EYA1: variants seen among roughly 807,000 people sequenced by gnomAD.
EYA1 encodes the protein protein phosphatase EYA1.
In EYA1, 16 loss-of-function variants were observed where a neutral mutation model predicts 82.0. The ratio of observed to expected loss-of-function variants is 0.20; its 90% CI spans 0.13 to 0.30. EYA1 has a LOEUF of 0.30. EYA1 is among the 10% of genes least tolerant of loss of function. The pLI is 1.00. For missense variants in EYA1, 633 were observed against 730.7 expected (o/e 0.87, Z 1.54); for synonymous variants, 261 against 264.4 (o/e 0.99, Z 0.12).
intron 11 of EYA1, among the ~76,000 whole-genome samples, chr8:71,245,210 T>C (rs928733484): frequency 1.3e-5 from 2 of 152,046 alleles, no homozygotes; most frequent in Non-Finnish European, 2.9e-5. Flanking sequence ...ACTTTTCTTA[T>C]AACACTATGT....
intron 11 of EYA1, among the ~76,000 whole-genome samples, chr8:71,251,756 G>A (rs1361375400): frequency 2.0e-5 from 3 of 152,000 alleles, no homozygotes; most frequent in Non-Finnish European, 2.9e-5. Flanking sequence ...AGAACTGCTC[G>A]CAGAGACTAA....
At chr8:71,259,654 C>T (rs1029405577) in intron 11 of EYA1, among the ~76,000 whole-genome samples, 1 of 152,262 alleles carries the variant, frequency 6.6e-6, no homozygotes, top group Middle Eastern at 3.4e-3. Flanking sequence ...AAATGATCTT[C>T]TTGACCCGTT....
intron 11 of EYA1, among the ~76,000 whole-genome samples, chr8:71,247,876 A>C (rs1813297716): frequency 1.3e-5 from 2 of 152,294 alleles, no homozygotes; most frequent in African/African-American, 4.8e-5. Flanking sequence ...ATGTCAATGA[A>C]TCTTTTTATG....
intron 9 of EYA1, among the ~76,000 whole-genome samples, chr8:71,281,522 C>T (rs1258259362): frequency 1.3e-5 from 2 of 152,248 alleles, no homozygotes; most frequent in Non-Finnish European, 2.9e-5. Context: ...GCTGCTTGCA[C>T]TCAGTCTTAA....
chr8:71,380,176 A>G (rs1359163492), intron 2 of EYA1, among the ~76,000 whole-genome samples: 1 of 152,134 alleles, frequency 6.6e-6, no homozygotes, highest in South Asian at 2.1e-4. Flanking sequence ...TTGATGTTAA[A>G]TGTCACTTTT....
At chr8:71,333,167 T>G (rs1306332668) in intron 4 of EYA1, among the ~76,000 whole-genome samples, 2 of 152,210 alleles carry the variant, frequency 1.3e-5, no homozygotes, top group Non-Finnish European at 2.9e-5. Flanking sequence ...AGTCAAATTC[T>G]AATAAATGTT....
chr8:71,476,553 A>G (rs1438713664), intron 2 of EYA1, among the ~76,000 whole-genome samples: 1 of 152,054 alleles, frequency 6.6e-6, no homozygotes, highest in African/African-American at 2.4e-5. Flanking sequence ...AATATAAAAC[A>G]CTGTTGCAAA....
At position 71,439,922 on chromosome 8, in the gene EYA1, G is replaced by A. The variant is rs556684998; in HGVS notation, c.34-83411C>T. 3.4e-4 allele frequency among the ~76,000 whole-genome samples: 51 copies of A among 152,128 alleles called. 1 individual carries two copies. The South Asian group carries it at 5.2e-3, about 16-fold the overall frequency. ...CAGACACTTAAAACACCTAGACTGC[G>A]GCCTGGCATATATTAAATGCTCAAT... On this transcript the variant is annotated intron_variant, in intron 2 of 18. Coordinates refer to the EYA1 transcript ENST00000643681.
chr8:71,452,552 G>A (rs1193338171), intron 2 of EYA1, among the ~76,000 whole-genome samples: 2 of 152,154 alleles, frequency 1.3e-5, no homozygotes, highest in Non-Finnish European at 2.9e-5. Context: ...ACACGACTGG[G>A]TACCCCTCTG....
At chr8:71,391,595 ATTTTAT>A (rs374571889) in intron 2 of EYA1, among the ~76,000 whole-genome samples, 99 of 152,252 alleles carry the variant, frequency 6.5e-4, no homozygotes, top group African/African-American at 2.3e-3. Context: ...GTTGATTTTT[ATTTTAT>A]TTTTAATTTT....
chr8:71,535,200 A>T (rs1814619863), intron 2 of EYA1, among the ~76,000 whole-genome samples: 1 of 152,186 alleles, frequency 6.6e-6, no homozygotes, highest in Admixed American at 6.5e-5. Flanking sequence ...TCCTGATACA[A>T]ACCTGTAGAA....
At chr8:71,214,099 T>C (rs2128845712) in intron 16 of EYA1, among the ~76,000 whole-genome samples, 1 of 152,298 alleles carries the variant, frequency 6.6e-6, no homozygotes, top group African/African-American at 2.4e-5. Context: ...AAACGGAAGT[T>C]AGACCTACAG....
At position 71,361,822 on chromosome 8, in the gene EYA1, G is replaced by C; in HGVS notation, c.-230C>G. ...GGAGCGCCTCTGCAGGGGAAAGCTC[G>C]GCGCAGGGGGCAGGCGCCTGGCCGC... On this transcript the variant is annotated 5_prime_UTR_variant, in exon 1 of 18. Transcript: ENST00000340726. The C allele has an allele frequency of 7.1e-6, 7 of 985,468 alleles. No individual in the cohort carries two copies. The highest frequency in any genetic ancestry group is 8.4e-6 in the Non-Finnish European group (7 of 829,950). 61.0% of individuals were successfully genotyped at this position (985,468 alleles called of 1,614,324 possible). A position where few individuals can be genotyped will look rare whatever the true frequency, so the allele number is the denominator to read the frequency against.
intron 11 of EYA1, among the ~76,000 whole-genome samples, chr8:71,264,269 T>C (rs1489936694): frequency 6.6e-6 from 1 of 152,188 alleles, no homozygotes; most frequent in Non-Finnish European, 1.5e-5. Context: ...TGTTGTCCCC[T>C]AAAGCAGAGT....
intron 1 of EYA1, among the ~76,000 whole-genome samples, chr8:71,547,287 T>C (rs995825779): frequency 1.3e-5 from 2 of 152,194 alleles, no homozygotes; most frequent in Non-Finnish European, 2.9e-5. Flanking sequence ...ATGTCTAAGA[T>C]GGCAATCACA....
rs548994155 is a variant in EYA1, at chr8:71,375,720, C to T, written c.34-19209G>A. Among the ~76,000 whole-genome samples, 6 of 152,178 alleles carry T rather than the reference C, an allele frequency of 3.9e-5. No homozygotes were observed. The South Asian group carries it at 1.2e-3, about 32-fold the overall frequency. On this transcript the variant is annotated intron_variant, in intron 2 of 18. Coordinates refer to the EYA1 transcript ENST00000643681. ...CTCGGCTCACTGCAACTTCTGCCTC[C>T]TGGGTTCAAGCGATTCTCCTGGCTC...
At chr8:71,539,064 C>T (rs1814937736) in intron 1 of EYA1, among the ~76,000 whole-genome samples, 1 of 152,080 alleles carries the variant, frequency 6.6e-6, no homozygotes, top group Non-Finnish European at 1.5e-5. Context: ...CTTCTATTCA[C>T]CCCTGAAGTG....
chr8:71,247,373 G>C (rs944456209), intron 11 of EYA1, among the ~76,000 whole-genome samples: 4 of 152,176 alleles, frequency 2.6e-5, no homozygotes, highest in Non-Finnish European at 4.4e-5. Context: ...AAGGGAAGCA[G>C]AGGACATAGT....
At chr8:71,211,408 G>A in intron 16 of EYA1, 152 bp from the exon 17 acceptor site, 3 of 658,430 alleles carry the variant, frequency 4.6e-6, no homozygotes, top group Middle Eastern at 4.0e-4. Flanking sequence ...CACTTGGGTT[G>A]TATGTGCCAC....
Sources: allele counts gnomAD v4.1 joint callset (sites outside exome capture counted in the v4.1 genomes callset), GRCh38; gene constraint gnomAD v4.1.1; transcripts MANE v1.5; gene names NCBI Gene and HGNC (gene_info 2026-07-23, HGNC 2026-07-21).